Variants in ANK1 observed in about 807,000 individuals in gnomAD.
ANK1 encodes the protein ankyrin 1, also known as ankyrin-1.
ANK1 carries 51 observed loss-of-function variants against 210.4 expected under a neutral mutation model. The ratio of observed to expected loss-of-function variants is 0.24; its 90% CI spans 0.19 to 0.31. The LOEUF is 0.31. Ranked by LOEUF, ANK1 falls within the 10% of genes least tolerant of loss-of-function variation. The pLI is 1.00. For synonymous variants in ANK1, 967 were observed against 1,025.9 expected (o/e 0.94, Z 1.10); for missense variants, 2,051 against 2,504.4 (o/e 0.82, Z 3.86).
intron 1 of ANK1, among the ~76,000 whole-genome samples, chr8:41,845,905 G>C (rs939648652): frequency 3.3e-5 from 5 of 152,082 alleles, no homozygotes; most frequent in Non-Finnish European, 5.9e-5. Flanking sequence ...GATATATCAG[G>C]GTCACCAAAA....
intron 1 of ANK1, among the ~76,000 whole-genome samples, chr8:41,766,603 C>G (rs993773957): frequency 2.0e-5 from 3 of 152,224 alleles, no homozygotes; most frequent in African/African-American, 7.2e-5. Context: ...GCTGTCTGCA[C>G]CCGACCCTGG....
chr8:41,672,293 TA>T, intron 38 of ANK1, 60 bp downstream of exon 38: 1 of 1,578,202 alleles, frequency 6.3e-7, no homozygotes. Context: ...CTGCCAGGCA[TA>T]ATCTTACCCA....
At position 41,686,355 on chromosome 8, in the gene ANK1, C is replaced by T. The variant is rs142597243; in HGVS notation, c.4259-72G>A. The T allele has an allele frequency of 1.4e-4, 227 of 1,604,768 alleles. 1 individual carries two copies. In the East Asian group the frequency reaches 4.5e-3, roughly 32 times the overall value. ...CAGCAGGGGGCCTCCAGCACACAGG[C>T]TGGGTGGGCACTGGGGCGTGGGGGG... On this transcript the variant is annotated intron_variant, in intron 35 of 42. Transcript: ENST00000289734.
Position 41,715,671 on chromosome 8 carries a change from G to A in ANK1, c.1583C>T (p.Ser528Phe). 1.2e-6 allele frequency: 2 copies of A among 1,613,674 alleles called. No individual in the cohort carries two copies. The highest frequency in any genetic ancestry group is 1.8e-4 in the Middle Eastern group (1 of 5,708). Residue 528 changes from serine to phenylalanine, a missense_variant, in exon 14 of 43, where the codon TCC (serine) becomes TTC (phenylalanine). Ser to Phe is a radical substitution (Grantham distance 155). This residue lies in a region of ANK1 where 1,413 missense variants were observed against 1,707.4 expected (regional missense o/e 0.83). Transcript: ENST00000289734. Reference sequence around the variant, plus strand: ...CTGTACCTTGGTCATGCAGGCCTGGGATGCTTCCTTTTCCAGAAGGGCCAG... The same window carrying A: ...CTGTACCTTGGTCATGCAGGCCTGGAATGCTTCCTTTTCCAGAAGGGCCAG... ...TVLALLEKEA[S>F]QACMTKKGFT...
intron 1 of ANK1, among the ~76,000 whole-genome samples, chr8:41,785,542 A>G (rs943565308): frequency 3.9e-5 from 6 of 152,038 alleles, no homozygotes; most frequent in Non-Finnish European, 1.5e-5. Flanking sequence ...TAGTGACCTC[A>G]CGGGATAACT....
rs551308330 is a variant in ANK1 at position 41,719,581 on chromosome 8, C to T, written c.1107+80G>A. On this transcript the variant is annotated intron_variant, in intron 10 of 42. Transcript: ENST00000289734. ...CTCCGGGCACCTGCCGCCCTTCCCA[C>T]AGGCCCAGCCATGCCTCTCTGCTCC... The T allele has an allele frequency of 2.8e-5, 44 of 1,590,770 alleles. No homozygotes were observed. In the South Asian group the frequency reaches 4.4e-4, roughly 16 times the overall value.
At chr8:41,661,779 A>T in intron 41 of ANK1, 97 bp downstream of exon 41, 1 of 1,612,968 alleles carries the variant, frequency 6.2e-7, no homozygotes, top group South Asian at 1.1e-5. Context: ...TGGGTCCCCC[A>T]GGGCCGCGGG....
chr8:41,729,439 G>A (rs951115377), intron 3 of ANK1, among the ~76,000 whole-genome samples: 29 of 152,172 alleles, frequency 1.9e-4, no homozygotes, highest in South Asian at 2.1e-4. Context: ...CACCCAGGCA[G>A]GAGCACAGTG....
intron 1 of ANK1, among the ~76,000 whole-genome samples, chr8:41,833,055 C>T (rs1806971700): frequency 6.6e-6 from 1 of 152,204 alleles, no homozygotes; most frequent in Non-Finnish European, 1.5e-5. Flanking sequence ...CAACTCCCAC[C>T]CCTACCACAA....
At chr8:41,722,410 C>G (rs1217265284) in intron 9 of ANK1, among the ~76,000 whole-genome samples, 1 of 152,202 alleles carries the variant, frequency 6.6e-6, no homozygotes, top group Non-Finnish European at 1.5e-5. Flanking sequence ...CGTGGGAAAC[C>G]TCCTGGGTAG....
intron 35 of ANK1, among the ~76,000 whole-genome samples, chr8:41,687,475 T>G (rs974023778): frequency 6.6e-6 from 1 of 152,124 alleles, no homozygotes; most frequent in Non-Finnish European, 1.5e-5. Flanking sequence ...AGCTTCTTGC[T>G]CTCCCTGTCC....
At chr8:41,842,506 A>T (rs917688147) in intron 1 of ANK1, among the ~76,000 whole-genome samples, 5 of 152,072 alleles carry the variant, frequency 3.3e-5, no homozygotes, top group African/African-American at 1.2e-4. Context: ...AAAAAAAAAA[A>T]ATTTTTGGAA....
intron 1 of ANK1, among the ~76,000 whole-genome samples, chr8:41,822,040 A>G (rs1253010616): frequency 2.7e-5 from 4 of 150,178 alleles, no homozygotes; most frequent in Non-Finnish European, 5.9e-5. Context: ...ACAGAGTGAG[A>G]CTCCATCTCA....
chr8:41,852,294 C>T (rs114346508), intron 1 of ANK1, among the ~76,000 whole-genome samples: 2,016 of 152,294 alleles, frequency 0.013, 47 homozygotes, highest in African/African-American at 0.046. Context: ...GGGCCTGGCC[C>T]GCCCTAAGAC....
chr8:41,871,047 A>G (rs899939593), intron 1 of ANK1, among the ~76,000 whole-genome samples: 3 of 152,128 alleles, frequency 2.0e-5, no homozygotes, highest in African/African-American at 7.2e-5. Flanking sequence ...TCCGGGTCCC[A>G]TGGAGCATGT....
intron 1 of ANK1, among the ~76,000 whole-genome samples, chr8:41,806,574 G>C (rs1317302816): frequency 6.6e-6 from 1 of 152,120 alleles, no homozygotes; most frequent in Non-Finnish European, 1.5e-5. Context: ...AATTAGCTGG[G>C]TGTGATGGCA....
At chr8:41,702,002 G>A in intron 21 of ANK1, 50 bp downstream of exon 21, 1 of 1,560,726 alleles carries the variant, frequency 6.4e-7, no homozygotes, top group Non-Finnish European at 8.8e-7. Flanking sequence ...GCACGCCTGT[G>A]CGCCAGGCTG....
In ANK1 at chr8:41,690,251, G is replaced by T. The variant is rs1280116657; in HGVS notation, c.4080C>A (p.Asn1360Lys). 2 of 1,614,140 alleles carry T rather than the reference G, an allele frequency of 1.2e-6. No homozygotes were observed. Among genetic ancestry groups the T allele is most frequent in the African/African-American group, 2.7e-5 (2 of 74,948 alleles). Residue 1360 changes from asparagine to lysine, a missense_variant, in exon 33 of 43, where the codon AAC becomes AAA. Physicochemically the swap from Asn to Lys is moderately conservative, Grantham distance 94. Around this residue, in one of 6 missense-constraint regions of ANK1, gnomAD observed 1,413 missense variants for 1,707.4 expected, o/e 0.83. Coordinates refer to ENST00000289734, the MANE Select transcript of ANK1 (RefSeq NM_000037.4). ...CCTTGGCGCAGGGGGGCATGGTGATGTTCAGGTGGCAGAGAATGTGCTGGG... is the reference window on the plus strand; with the variant it reads ...CCTTGGCGCAGGGGGGCATGGTGATTTTCAGGTGGCAGAGAATGTGCTGGG... ...EDTQHILCHL[N>K]ITMPPCAKGS...
intron 2 of ANK1, among the ~76,000 whole-genome samples, chr8:41,749,784 GTAT>G (rs974431704): frequency 6.7e-5 from 10 of 149,766 alleles, no homozygotes; most frequent in Admixed American, 6.0e-4. Flanking sequence ...GGCTAATTTT[GTAT>G]TTTCAGTAGA....
Sources: gnomAD v4.1 joint callset for allele counts (sites outside exome capture counted in the v4.1 genomes callset) on GRCh38, gnomAD v4.1.1 for gene constraint, gnomAD v4.1.1 regional missense constraint, MANE v1.5 for transcripts, NCBI Gene and HGNC (gene_info 2026-07-23, HGNC 2026-07-21) for gene names.